The following CLSTN3 variants were observed in gnomAD, a reference collection of about 807,000 sequenced individuals.
CLSTN3 encodes the protein calsyntenin-3.
A neutral mutation model predicts 95.9 loss-of-function variants in CLSTN3; 36 were observed. The observed-to-expected ratio is 0.38, with a 90% confidence interval of 0.29 to 0.50. CLSTN3 has a LOEUF of 0.50. CLSTN3 is among the 20% of genes least tolerant of loss of function. The pLI is 0.95. For missense variants in CLSTN3, 1,084 were observed against 1,268.8 expected, an observed-to-expected ratio of 0.85 and a Z score of 2.21; for synonymous variants, 481 against 504.0, an observed-to-expected ratio of 0.95 and a Z score of 0.61.
At chr12:7,136,125 G>A in intron 5 of CLSTN3, 81 bp from the exon 6 acceptor site, 5 of 1,540,604 alleles carry the variant, frequency 3.2e-6, no homozygotes, top group Non-Finnish European at 4.4e-6. Context: ...ACTGTCCATG[G>A]ACATGGCAAG....
chr12:7,142,406 A>G (rs1939542352), intron 10 of CLSTN3, among the ~76,000 whole-genome samples: 2 of 152,076 alleles, frequency 1.3e-5, no homozygotes, highest in African/African-American at 4.8e-5. Flanking sequence ...GGGAGGTGGC[A>G]GGAGTCAGGA....
chr12:7,129,683 C>T (rs756429299), upstream of CLSTN3: 8 of 985,406 alleles, frequency 8.1e-6, no homozygotes, highest in Admixed American at 2.5e-4. This position sits in a 1 kb window ranked among gnomAD's most constrained non-coding sequence, Gnocchi z 5.5. Flanking sequence ...TATTGTGCCC[C>T]GCCCCCAGCT....
chr12:7,133,442 T>C lies in CLSTN3; in HGVS notation c.188-131T>C. ...GGCTTAGAGTTGCGTGTTTGATCAT[T>C]AATGCTTTTGTGCCTACAGGAGAAG... On this transcript the variant is annotated intron_variant, in intron 2 of 17. Transcript: ENST00000266546. This position sits in a 1 kb window ranked among gnomAD's most constrained non-coding sequence, Gnocchi z 4.7. 1.1e-6 allele frequency: 1 copy of C among 921,714 alleles called. No homozygotes were observed. Among genetic ancestry groups the C allele is most frequent in the Non-Finnish European group, 1.6e-6 (1 of 606,144 alleles). The allele number at this position is 921,714 out of a possible 1,614,324, so 57.1% of individuals were successfully genotyped here. A position where few individuals can be genotyped will look rare whatever the true frequency, so the allele number is the denominator to read the frequency against.
chr12:7,146,156 C>G (rs957584869), intron 12 of CLSTN3, among the ~76,000 whole-genome samples: 1 of 152,166 alleles, frequency 6.6e-6, no homozygotes, highest in Non-Finnish European at 1.5e-5. Context: ...ATAAAAATGT[C>G]AAATGTGCTG....
At chr12:7,153,892 G>A (rs146629743) in intron 16 of CLSTN3, among the ~76,000 whole-genome samples, 63 of 152,270 alleles carry the variant, frequency 4.1e-4, no homozygotes, top group African/African-American at 6.3e-4. Flanking sequence ...CTGGTCTGGC[G>A]GGCAGCGTTT....
chr12:7,151,462 A>C (rs758539120), intron 16 of CLSTN3, among the ~76,000 whole-genome samples: 1 of 152,354 alleles, frequency 6.6e-6, no homozygotes, highest in Non-Finnish European at 1.5e-5. Context: ...CTGTCCTAAG[A>C]TGATCTAAAT....
At chr12:7,131,034 G>T in intron 1 of CLSTN3, 1 of 476,756 alleles carries the variant, frequency 2.1e-6, no homozygotes, top group Non-Finnish European at 3.9e-6. Context: ...CCTCGGGTCT[G>T]GGAAGGACTG....
At chr12:7,140,980 G>A (rs1220521652) in intron 8 of CLSTN3, among the ~76,000 whole-genome samples, 1 of 152,198 alleles carries the variant, frequency 6.6e-6, no homozygotes, top group Non-Finnish European at 1.5e-5. Context: ...ATGAAAGTGT[G>A]TTACTCCTCT....
chr12:7,150,382 G>GGGGA lies in CLSTN3; in HGVS notation c.2246-160_2246-157dup. On this transcript the variant is annotated intron_variant, in intron 14 of 17. Coordinates refer to ENST00000266546, the MANE Select transcript of CLSTN3 (RefSeq NM_014718.4). This position sits in a 1 kb window ranked among gnomAD's most constrained non-coding sequence, Gnocchi z 4.0. ...GTTAGTCAGAGTGGGCAGGGATGGA[G>GGGGA]GGGAGCATCCCTCCCTTCGACCTCA... 1.4e-6 allele frequency: 1 copy of GGGGA among 706,482 alleles called. No individual in the cohort carries two copies. Among genetic ancestry groups the GGGGA allele is most frequent in the Non-Finnish European group, 2.3e-6 (1 of 440,638 alleles). The allele number at this position is 706,482 out of a possible 1,614,324, so 43.8% of individuals were successfully genotyped here.
intron 16 of CLSTN3, among the ~76,000 whole-genome samples, chr12:7,151,689 G>A (rs764507928): frequency 3.3e-5 from 5 of 152,126 alleles, no homozygotes; most frequent in Non-Finnish European, 7.3e-5. Context: ...TTTACGAATG[G>A]TGCAATTTTA....
chr12:7,148,035 A>G (rs1249076235), intron 12 of CLSTN3, among the ~76,000 whole-genome samples: 2 of 152,122 alleles, frequency 1.3e-5, no homozygotes, highest in African/African-American at 4.8e-5. Flanking sequence ...TGCGCCCTAT[A>G]ATCCCAGCTA....
chr12:7,144,045 G>A (rs987116695), intron 12 of CLSTN3, among the ~76,000 whole-genome samples: 3 of 152,098 alleles, frequency 2.0e-5, no homozygotes, highest in African/African-American at 4.8e-5. Context: ...TGGCCAACAT[G>A]GTGAAACCCT....
At chr12:7,147,963 T>C (rs762710438) in intron 12 of CLSTN3, among the ~76,000 whole-genome samples, 10 of 152,234 alleles carry the variant, frequency 6.6e-5, no homozygotes, top group African/African-American at 2.4e-4. Flanking sequence ...AAGACCAGCC[T>C]GGCCAATATG....
At chr12:7,132,446 T>C (rs1939324018) in intron 1 of CLSTN3, 1 of 206,786 alleles carries the variant, frequency 4.8e-6, no homozygotes, top group South Asian at 8.3e-5. Flanking sequence ...CCTATATATC[T>C]TCACTTCTCT....
At chr12:7,134,045 G>T (rs993905905) in intron 3 of CLSTN3, 5 of 360,468 alleles carry the variant, frequency 1.4e-5, no homozygotes, top group Non-Finnish European at 2.5e-5. Flanking sequence ...CTTATCTGTA[G>T]AATGGAGATT....
Position 7,157,066 on chromosome 12 carries a change from C to G in CLSTN3, c.2528-423C>G, listed in dbSNP as rs1352963434. The G allele has an allele frequency of 8.3e-6, 3 of 359,642 alleles. No homozygotes were observed. The highest frequency in any genetic ancestry group is 6.4e-5 in the African/African-American group (3 of 47,098). The allele number at this position is 359,642 out of a possible 1,614,324, so 22.3% of individuals were successfully genotyped here. ...CAGCCAAGCCCGTGTGGGGGCCCCT[C>G]CTCTCCCTCACTGGGCACTGGCACC... On this transcript the variant is annotated intron_variant, in intron 16 of 17. Coordinates refer to ENST00000266546, the MANE Select transcript of CLSTN3 (RefSeq NM_014718.4). The surrounding 1 kb of genome is among the most constrained non-coding windows in gnomAD (Gnocchi z 5.9).
At chr12:7,142,224 C>T in intron 10 of CLSTN3, 85 bp downstream of exon 10, 1 of 1,238,030 alleles carries the variant, frequency 8.1e-7, no homozygotes, top group Non-Finnish European at 1.2e-6. Context: ...CAAATCCTAT[C>T]CAGCCTGTGA....
intron 8 of CLSTN3, among the ~76,000 whole-genome samples, chr12:7,140,198 C>CCTA (rs1939503093): frequency 6.6e-6 from 1 of 152,116 alleles, no homozygotes; most frequent in Non-Finnish European, 1.5e-5. Context: ...AAAGTTGTCT[C>CCTA]CTACGTCAGC....
At chr12:7,136,725 T>A in intron 6 of CLSTN3, 104 bp from the exon 7 acceptor site, 1 of 1,312,250 alleles carries the variant, frequency 7.6e-7, no homozygotes, top group Non-Finnish European at 1.1e-6. Context: ...CAAGACGTGC[T>A]GTAGGAAATC....
Sources: gnomAD v4.1 joint callset for allele counts (sites outside exome capture counted in the v4.1 genomes callset) on GRCh38, gnomAD v4.1.1 for gene constraint, Gnocchi (gnomAD v3.1) non-coding constraint, MANE v1.5 for transcripts, NCBI Gene and HGNC (gene_info 2026-07-23, HGNC 2026-07-21) for gene names.